CREB5: variants seen among roughly 807,000 people sequenced by gnomAD.
CREB5 encodes cAMP responsive element binding protein 5.
CREB5 carries 19 observed loss-of-function variants against 57.1 expected under a neutral mutation model. The observed-to-expected ratio is 0.33, with a 90% CI of 0.23 to 0.49. CREB5 has a LOEUF of 0.49. Ranked by LOEUF, CREB5 falls within the 20% of genes least tolerant of loss-of-function variation. The probability of loss-of-function intolerance (pLI) is 0.99; values close to 1 mark genes in which losing one functional copy is unlikely to be tolerated. For synonymous variants in CREB5, 238 were observed against 238.3 expected, an observed-to-expected ratio of 1.00 and a Z score of 0.01; for missense variants, 579 against 671.6, an observed-to-expected ratio of 0.86 and a Z score of 1.52.
intron 1 of CREB5, among the ~76,000 whole-genome samples, chr7:28,438,183 G>C (rs1167602702): frequency 6.6e-6 from 1 of 152,126 alleles, no homozygotes; most frequent in Non-Finnish European, 1.5e-5. Context: ...AGTAGATATT[G>C]CTTAACTCAT....
intron 5 of CREB5, among the ~76,000 whole-genome samples, chr7:28,682,694 GA>G (rs761096519): frequency 0.027 from 3,280 of 119,806 alleles, 46 homozygotes; most frequent in Middle Eastern, 0.065. Context: ...GGGGGGGGGG[GA>G]AACCCCAGCT....
intron 5 of CREB5, among the ~76,000 whole-genome samples, chr7:28,625,735 G>A (rs879797601): frequency 1.6e-4 from 25 of 152,204 alleles, no homozygotes. Flanking sequence ...ATACAGCAAT[G>A]TTTATTCCAT....
intron 5 of CREB5, among the ~76,000 whole-genome samples, chr7:28,627,113 G>C (rs886746755): frequency 5.9e-5 from 9 of 152,184 alleles, no homozygotes; most frequent in African/African-American, 1.9e-4. Flanking sequence ...CAGGGTGTCT[G>C]GTTTTCCATA....
chr7:28,529,955 A>C (rs537342934), intron 4 of CREB5, among the ~76,000 whole-genome samples: 1 of 152,232 alleles, frequency 6.6e-6, no homozygotes, highest in Non-Finnish European at 1.5e-5. Context: ...GATATCTTGC[A>C]AAATTATCTC....
At chr7:28,586,533 A>T (rs1796314010) in intron 5 of CREB5, among the ~76,000 whole-genome samples, 1 of 152,116 alleles carries the variant, frequency 6.6e-6, no homozygotes, top group Non-Finnish European at 1.5e-5. Flanking sequence ...GGCTTATTCT[A>T]TTCTTTTGGA....
chr7:28,381,339 C>T (rs1786962619), intron 1 of CREB5, among the ~76,000 whole-genome samples: 1 of 152,150 alleles, frequency 6.6e-6, no homozygotes. Flanking sequence ...TTCACAGTCA[C>T]TTAATCCTCA....
chr7:28,737,538 C>CGT (rs1804058019), intron 7 of CREB5, among the ~76,000 whole-genome samples: 2 of 47,942 alleles, frequency 4.2e-5, no homozygotes, highest in African/African-American at 1.0e-4. Context: ...TATATATATA[C>CGT]GTATATATAT....
At chr7:28,309,584 C>T (rs897100768) in intron 1 of CREB5, among the ~76,000 whole-genome samples, 7 of 152,174 alleles carry the variant, frequency 4.6e-5, no homozygotes, top group African/African-American at 7.2e-5. Context: ...TTGCCCTGCC[C>T]TCATTGCTGA....
At chr7:28,414,235 C>G (rs909205028) in intron 1 of CREB5, among the ~76,000 whole-genome samples, 1 of 151,538 alleles carries the variant, frequency 6.6e-6, no homozygotes, top group African/African-American at 2.4e-5. Flanking sequence ...TGTTTCCCAT[C>G]TATATGCTTC....
At chr7:28,686,178 G>A (rs766081380) in intron 5 of CREB5, 2 of 1,613,020 alleles carry the variant, frequency 1.2e-6, no homozygotes, top group Non-Finnish European at 1.7e-6. Flanking sequence ...AGGGAATTCA[G>A]CCTCAGTGAT....
chr7:28,343,672 C>T (rs1054180516), intron 1 of CREB5, among the ~76,000 whole-genome samples: 1 of 152,178 alleles, frequency 6.6e-6, no homozygotes, highest in Non-Finnish European at 1.5e-5. Context: ...GCGCAATAAA[C>T]ATGGGCATGC....
At chr7:28,458,118 C>T in intron 1 of CREB5, among the ~76,000 whole-genome samples, 1 of 152,172 alleles carries the variant, frequency 6.6e-6, no homozygotes, top group South Asian at 2.1e-4. Context: ...GGAACAGAAA[C>T]TGAGAGTTGG....
At chr7:28,687,962 A>G (rs1350634035) in intron 5 of CREB5, among the ~76,000 whole-genome samples, 2 of 152,176 alleles carry the variant, frequency 1.3e-5, no homozygotes, top group African/African-American at 2.4e-5. Context: ...CCAATCTTAG[A>G]TGATCTCTGG....
intron 7 of CREB5, among the ~76,000 whole-genome samples, chr7:28,800,440 G>C (rs2128797609): frequency 6.6e-6 from 1 of 152,322 alleles, no homozygotes; most frequent in African/African-American, 2.4e-5. Context: ...AGGGACCACA[G>C]CTAGGCCATA....
At chr7:28,662,181 T>C (rs757818197) in intron 5 of CREB5, among the ~76,000 whole-genome samples, 5 of 152,216 alleles carry the variant, frequency 3.3e-5, no homozygotes, top group African/African-American at 9.6e-5. Context: ...AGGTCATTCC[T>C]TTGATGATCT....
intron 9 of CREB5, among the ~76,000 whole-genome samples, chr7:28,811,970 C>T (rs781105411): frequency 9.9e-5 from 15 of 152,214 alleles, no homozygotes; most frequent in African/African-American, 1.4e-4. Flanking sequence ...GCCCTATTGA[C>T]TTCCGGGCTT....
intron 7 of CREB5, among the ~76,000 whole-genome samples, chr7:28,784,301 C>T (rs1168823530): frequency 6.6e-6 from 1 of 151,952 alleles, no homozygotes; most frequent in Non-Finnish European, 1.5e-5. Context: ...GCTGACCCAG[C>T]CCTGATAAAT....
At chr7:28,478,579 TAA>T (rs1341101281) in intron 1 of CREB5, among the ~76,000 whole-genome samples, 1 of 151,980 alleles carries the variant, frequency 6.6e-6, no homozygotes, top group Non-Finnish European at 1.5e-5. Flanking sequence ...TATTTAAGTA[TAA>T]AAAAAGAAAG....
At chr7:28,472,772 T>C (rs1040611199) in intron 1 of CREB5, among the ~76,000 whole-genome samples, 13 of 152,158 alleles carry the variant, frequency 8.5e-5, no homozygotes, top group African/African-American at 2.9e-4. Flanking sequence ...CCAAGGTCTC[T>C]CTCTGCAGCC....
Sources: gnomAD v4.1 joint callset for allele counts (sites outside exome capture counted in the v4.1 genomes callset) on GRCh38, gnomAD v4.1.1 for gene constraint, MANE v1.5 for transcripts, NCBI Gene and HGNC (gene_info 2026-07-23, HGNC 2026-07-21) for gene names.